CA4: variants seen among roughly 807,000 people sequenced by gnomAD.
CA4 encodes CA-IV.
In CA4, 24 loss-of-function variants were observed where a neutral mutation model predicts 34.5. That is an observed-to-expected ratio of 0.70 (90% CI 0.50 to 0.98). The LOEUF (loss-of-function observed/expected upper bound fraction) is 0.98. Ranked by LOEUF, CA4 falls within the 50% of genes least tolerant of loss-of-function variation. CA4 has a pLI of 0.00. For missense variants in CA4, 394 were observed against 396.7 expected (o/e 0.99, Z 0.06); for synonymous variants, 178 against 170.6 (o/e 1.04, Z -0.34).
At chr17:60,154,627 A>G (rs1467468536) in intron 1 of CA4, among the ~76,000 whole-genome samples, 1 of 152,224 alleles carries the variant, frequency 6.6e-6, no homozygotes, top group Non-Finnish European at 1.5e-5. Flanking sequence ...TCTTGCATCC[A>G]TGTGGGACAT....
chr17:60,175,668 C>CAAAAAAAAAA (rs150949660), downstream of CA4, among the ~76,000 whole-genome samples: 11 of 81,540 alleles, frequency 1.3e-4, no homozygotes, highest in African/African-American at 4.5e-4. Context: ...AACTCCGTCT[C>CAAAAAAAAAA]AAAAAAAAAA....
chr17:60,158,900 C>G (rs1424353804), intron 7 of CA4: 5 of 440,368 alleles, frequency 1.1e-5, no homozygotes, highest in Non-Finnish European at 2.1e-5. Context: ...CATCTGGGGC[C>G]CAACAAGCCC....
In CA4 at chr17:60,157,724, C is replaced by T. The variant is rs867271887; in HGVS notation, c.449C>T (p.Ser150Leu). 14 of 1,613,888 alleles carry T rather than the reference C, an allele frequency of 8.7e-6. No homozygotes were observed. Among genetic ancestry groups the T allele is most frequent in the Admixed American group, 3.3e-5 (2 of 60,006 alleles). Reference protein sequence around the residue: ...HIVHEKEKGTSRNVKEAQDPE... With the variant: ...HIVHEKEKGTLRNVKEAQDPE... Reference sequence around the variant, plus strand: ...GTACATGAGAAAGAGAAGGGGACATCGAGGAATGTGAAAGAGGCCCAGGAC... The same window carrying T: ...GTACATGAGAAAGAGAAGGGGACATTGAGGAATGTGAAAGAGGCCCAGGAC... The change falls in exon 5 of 8, where the codon TCG (serine) becomes TTG (leucine). Residue 150 changes from serine to leucine, a missense_variant. Ser to Leu is a moderately radical substitution (Grantham distance 145). Coordinates refer to ENST00000300900, the MANE Select transcript of CA4 (RefSeq NM_000717.5).
chr17:60,159,560 T>C, downstream of CA4: 1 of 1,037,500 alleles, frequency 9.6e-7, no homozygotes, highest in East Asian at 2.6e-5. Flanking sequence ...TTCTCAAGTG[T>C]GTTTTTAGCC....
At position 60,157,719 on chromosome 17, in the gene CA4, G is replaced by A. The variant is rs1383801741; in HGVS notation, c.444G>A (p.Gly148=). Residue 148 remains glycine (G), a synonymous_variant, in exon 5 of 8, where the codon GGG becomes GGA. Transcript: ENST00000300900. ...EMHIVHEKEK[G]TSRNVKEAQD... is the part of the protein sequence containing the mutation. ...ACATAGTACATGAGAAAGAGAAGGG[G>A]ACATCGAGGAATGTGAAAGAGGCCC... 1.9e-6 allele frequency: 3 copies of A among 1,614,094 alleles called. No homozygotes were observed. The highest frequency in any genetic ancestry group is 1.7e-5 in the Admixed American group (1 of 60,028).
intron 5 of CA4, among the ~76,000 whole-genome samples, chr17:60,164,659 G>C (rs2083837006): frequency 6.6e-6 from 1 of 152,106 alleles, no homozygotes; most frequent in African/African-American, 2.4e-5. Context: ...CCAAAGTGCT[G>C]GGATTATAGG....
At chr17:60,172,348 G>A (rs200744008), downstream of CA4, among the ~76,000 whole-genome samples, 9 of 152,172 alleles carry the variant, frequency 5.9e-5, no homozygotes, top group East Asian at 1.5e-3. Flanking sequence ...TCCCCCTTCT[G>A]CCTCCTTTTT....
At position 60,167,837 on chromosome 17, in the gene CA4, G is replaced by T. The variant is rs374135948; in HGVS notation, c.*179-2714G>T. Among the ~76,000 whole-genome samples, 3 of 152,108 alleles carry T rather than the reference G, an allele frequency of 2.0e-5. No individual in the cohort carries two copies. The East Asian group carries it at 5.8e-4, about 29-fold the overall frequency. On this transcript the variant is annotated intron_variant and NMD_transcript_variant, in intron 5 of 5. Transcript: ENST00000586876. Reference sequence around the variant, plus strand: ...CTTTGCACCTCCATTCTGCTGCCTGGTCTGTCCCCAGTCTCCATGAGGCTA... The same window carrying T: ...CTTTGCACCTCCATTCTGCTGCCTGTTCTGTCCCCAGTCTCCATGAGGCTA...
intron 1 of CA4, among the ~76,000 whole-genome samples, chr17:60,152,893 G>A (rs1311790939): frequency 6.6e-6 from 1 of 152,156 alleles, no homozygotes; most frequent in Non-Finnish European, 1.5e-5. Context: ...GATTTGCTGG[G>A]CTGCATTATC....
chr17:60,157,462 G>T lies in CA4; in HGVS notation c.304G>T (p.Gly102Ter), dbSNP rs2083708163. 6.2e-7 allele frequency: 1 copy of T among 1,614,048 alleles called. No individual in the cohort carries two copies. The highest frequency in any genetic ancestry group is 1.1e-5 in the South Asian group (1 of 91,094). The change falls in exon 4 of 8, where the codon GGA becomes TGA. Residue 102 changes from glycine (G) to a stop codon, truncating the protein, a stop_gained. Transcript: ENST00000300900. LOFTEE classifies it high-confidence loss of function. ...GCTGGAGAACAAGGCCAGCATTTCT[G>T]GAGGAGGACTGCCTGCCCCATACCA... ...MLLENKASISGGGLPAPYQAK... is the reference protein window; with the variant it reads ...MLLENKASIS
At chr17:60,172,584 C>T (rs2083920336), downstream of CA4, among the ~76,000 whole-genome samples, 1 of 152,222 alleles carries the variant, frequency 6.6e-6, no homozygotes. Context: ...TGGCTCACAC[C>T]TGTATTCCCA....
At chr17:60,161,656 G>A (rs1026949204), downstream of CA4, among the ~76,000 whole-genome samples, 1 of 149,950 alleles carries the variant, frequency 6.7e-6, no homozygotes, top group South Asian at 2.1e-4. Context: ...GAGGAGAGAC[G>A]GCTGCTCCCC....
At chr17:60,152,939 A>G (rs887779301) in intron 1 of CA4, among the ~76,000 whole-genome samples, 20 of 152,348 alleles carry the variant, frequency 1.3e-4, no homozygotes, top group South Asian at 6.2e-4. Flanking sequence ...AGATGTTTGC[A>G]GTTAAGGGAA....
chr17:60,160,686 G>A (rs1280318073), downstream of CA4, among the ~76,000 whole-genome samples: 3 of 147,926 alleles, frequency 2.0e-5, no homozygotes, highest in African/African-American at 7.5e-5. Flanking sequence ...TTGAGGCAGA[G>A]TTTGCAGTAA....
At chr17:60,157,052 A>G in intron 3 of CA4, 1 of 516,388 alleles carries the variant, frequency 1.9e-6, no homozygotes, top group Non-Finnish European at 3.5e-6. Context: ...GCAGAGCCCA[A>G]GCAAGGCCCA....
chr17:60,158,028 A>G (rs2083724109), intron 5 of CA4, 33 bp from the exon 6 acceptor site: 1 of 1,612,060 alleles, frequency 6.2e-7, no homozygotes, highest in Admixed American at 1.7e-5. Context: ...GGCTCCCTGC[A>G]GACTTTCTCA....
chr17:60,160,124 A>C (rs998995438), downstream of CA4, among the ~76,000 whole-genome samples: 1 of 152,110 alleles, frequency 6.6e-6, no homozygotes, highest in Non-Finnish European at 1.5e-5. Context: ...TGGGCAACAG[A>C]GCGAGAGAGA....
At chr17:60,176,729 T>C in the CA4 span, among the ~76,000 whole-genome samples, 1 of 152,174 alleles carries the variant, frequency 6.6e-6, no homozygotes, top group East Asian at 1.9e-4. Flanking sequence ...ACATCAGTGG[T>C]TGCCAACCTT....
chr17:60,155,895 C>T (rs79594441), intron 2 of CA4, among the ~76,000 whole-genome samples: 2 of 152,194 alleles, frequency 1.3e-5, no homozygotes, highest in Admixed American at 1.3e-4. Context: ...TTGCAGGGTG[C>T]CTGAGTGATG....
Sources: allele counts gnomAD v4.1 joint callset (sites outside exome capture counted in the v4.1 genomes callset), GRCh38; gene constraint gnomAD v4.1.1; transcripts MANE v1.5; gene names NCBI Gene and HGNC (gene_info 2026-07-23, HGNC 2026-07-21).